NARS2: variants seen among roughly 807,000 people sequenced by gnomAD.
NARS2 encodes asparaginyl-tRNA synthetase 2, mitochondrial.
Under a neutral mutation model 62.9 loss-of-function variants are expected in NARS2, and 60 were observed. The observed-to-expected ratio is 0.95, with a 90% CI of 0.77 to 1.18. The LOEUF (loss-of-function observed/expected upper bound fraction) is 1.18, where lower values mean the gene tolerates loss of function less well. Ranked by LOEUF, NARS2 falls within the 50% of genes most tolerant of loss-of-function variation. The probability of loss-of-function intolerance (pLI) is 0.00; values close to 1 mark genes in which losing one functional copy is unlikely to be tolerated. For missense variants in NARS2, 619 were observed against 576.4 expected, an observed-to-expected ratio of 1.07 and a Z score of -0.76; for synonymous variants, 196 against 200.0, an observed-to-expected ratio of 0.98 and a Z score of 0.17.
In NARS2 at chr11:78,574,648, C is replaced by G. The variant is rs751185304; in HGVS notation, c.-160G>C. 59 of 726,654 alleles carry G rather than the reference C, an allele frequency of 8.1e-5. No individual in the cohort carries two copies. The highest frequency in any genetic ancestry group is 1.2e-4 in the Non-Finnish European group (54 of 454,544). The allele number at this position is 726,654 out of a possible 1,614,324, so 45.0% of individuals were successfully genotyped here. A position where few individuals can be genotyped will look rare whatever the true frequency, so the allele number is the denominator to read the frequency against. On this transcript the variant is annotated 5_prime_UTR_variant, in exon 1 of 14. Transcript: ENST00000281038. ...GCTGCGCGCTTTCTCCTTCAGGACT[C>G]CCAGCTCTGTCCCCACAGAACCTCT...
chr11:78,521,198 T>G (rs868579517), intron 6 of NARS2, among the ~76,000 whole-genome samples: 11 of 151,846 alleles, frequency 7.2e-5, no homozygotes, highest in Middle Eastern at 6.8e-3. Flanking sequence ...GGGGTTTCAT[T>G]CTGTTGCCCA....
chr11:78,437,993 GAA>G (rs10718645), intron 13 of NARS2, among the ~76,000 whole-genome samples: 177 of 116,542 alleles, frequency 1.5e-3, no homozygotes, highest in African/African-American at 2.4e-3. Flanking sequence ...AAAAAAGAAA[GAA>G]AAAAAAAAAA....
At chr11:78,470,560 C>T (rs561280909) in intron 9 of NARS2, among the ~76,000 whole-genome samples, 2 of 152,296 alleles carry the variant, frequency 1.3e-5, no homozygotes, top group African/African-American at 4.8e-5. Flanking sequence ...TATATGAAGA[C>T]ATTCTTCACT....
chr11:78,500,289 A>C (rs1860233294), intron 6 of NARS2, among the ~76,000 whole-genome samples: 1 of 152,186 alleles, frequency 6.6e-6, no homozygotes, highest in African/African-American at 2.4e-5. Flanking sequence ...TGTAAGACTA[A>C]ATTTCCCCAT....
At chr11:78,480,702 G>T (rs780530300) in intron 7 of NARS2, among the ~76,000 whole-genome samples, 2 of 148,802 alleles carry the variant, frequency 1.3e-5, no homozygotes, top group South Asian at 2.1e-4. Context: ...TTTGGGGGGG[G>T]TGGGAAAAAA....
At chr11:78,437,275 T>C (rs1214606901) in intron 13 of NARS2, among the ~76,000 whole-genome samples, 1 of 152,164 alleles carries the variant, frequency 6.6e-6, no homozygotes. Context: ...AGATATCCTA[T>C]AGATTAGATT....
chr11:78,571,694 A>G (rs527380900), intron 1 of NARS2: 1 of 371,716 alleles, frequency 2.7e-6, no homozygotes, highest in East Asian at 4.4e-5. Flanking sequence ...ACATTCCTTC[A>G]TGTTGATGAG....
At chr11:78,525,736 G>A (rs1259077414) in intron 6 of NARS2, among the ~76,000 whole-genome samples, 1 of 151,944 alleles carries the variant, frequency 6.6e-6, no homozygotes, top group Non-Finnish European at 1.5e-5. Context: ...AAAAATTAGA[G>A]TAAGAAAAGG....
chr11:78,480,302 C>T (rs545171484), intron 7 of NARS2, among the ~76,000 whole-genome samples: 2 of 151,914 alleles, frequency 1.3e-5, no homozygotes, highest in South Asian at 4.2e-4. Flanking sequence ...GTCTTGCTCT[C>T]TCACGCAGGC....
intron 6 of NARS2, among the ~76,000 whole-genome samples, chr11:78,515,699 AC>A (rs1182819837): frequency 1.3e-5 from 2 of 151,332 alleles, no homozygotes; most frequent in Admixed American, 6.6e-5. Context: ...AAAAAAAAAA[AC>A]AAAACAATTT....
intron 11 of NARS2, among the ~76,000 whole-genome samples, chr11:78,451,249 A>G (rs149240451): frequency 2.9e-3 from 437 of 152,260 alleles, no homozygotes; most frequent in Non-Finnish European, 5.0e-3. Context: ...TCACTAGAAC[A>G]ATTCCCTCAA....
At chr11:78,466,146 G>A (rs1858611568) in intron 10 of NARS2, 133 bp from the exon 11 acceptor site, 1 of 858,490 alleles carries the variant, frequency 1.2e-6, no homozygotes. Flanking sequence ...TAGCTGCTAA[G>A]GTTACACAGC....
intron 5 of NARS2, among the ~76,000 whole-genome samples, chr11:78,533,733 G>C (rs2135439242): frequency 6.6e-6 from 1 of 152,204 alleles, no homozygotes; most frequent in East Asian, 1.9e-4. Flanking sequence ...AATACATACT[G>C]ACATGTATCC....
intron 11 of NARS2, among the ~76,000 whole-genome samples, chr11:78,463,324 T>C (rs373458598): frequency 6.6e-6 from 1 of 152,324 alleles, no homozygotes; most frequent in Non-Finnish European, 1.5e-5. Context: ...ACTACCAAAG[T>C]GCTAGGATTA....
intron 6 of NARS2, among the ~76,000 whole-genome samples, chr11:78,512,021 C>T (rs147585322): frequency 8.5e-5 from 13 of 152,296 alleles, no homozygotes; most frequent in African/African-American, 2.4e-5. Context: ...AGGGGCACAA[C>T]AACAACGTCC....
chr11:78,507,015 G>A (rs986198828), intron 6 of NARS2, among the ~76,000 whole-genome samples: 1 of 152,036 alleles, frequency 6.6e-6, no homozygotes, highest in Non-Finnish European at 1.5e-5. Flanking sequence ...CTGGAACCCC[G>A]TGCACACAGC....
intron 10 of NARS2, among the ~76,000 whole-genome samples, chr11:78,468,310 G>GGAAAAAAAAAAAAAAAAAAAAAAA (rs1555015326): frequency 1.2e-4 from 8 of 67,398 alleles, no homozygotes; most frequent in South Asian, 4.8e-4. Context: ...CACTAAATCT[G>GGAAAAAAAAAAAAAAAAAAAAAAA]AAAAAAAAAA....
At chr11:78,553,571 G>A (rs970688989) in intron 5 of NARS2, among the ~76,000 whole-genome samples, 1 of 152,204 alleles carries the variant, frequency 6.6e-6, no homozygotes, top group Non-Finnish European at 1.5e-5. Flanking sequence ...TTATAGGCAT[G>A]AACCACCATG....
intron 6 of NARS2, among the ~76,000 whole-genome samples, chr11:78,496,401 G>A (rs114331955): frequency 0.012 from 1,771 of 152,158 alleles, 32 homozygotes; most frequent in African/African-American, 0.04. Context: ...CTCAGTCTAC[G>A]TATGTATTAA....
Sources: gnomAD v4.1 joint callset for allele counts (sites outside exome capture counted in the v4.1 genomes callset) on GRCh38, gnomAD v4.1.1 for gene constraint, MANE v1.5 for transcripts, NCBI Gene and HGNC (gene_info 2026-07-23, HGNC 2026-07-21) for gene names.